TSEN54: variants seen among roughly 807,000 people sequenced by gnomAD.
TSEN54 encodes the protein tRNA splicing endonuclease subunit 54.
A neutral mutation model predicts 61.9 loss-of-function variants in TSEN54; 55 were observed. The observed-to-expected ratio is 0.89, with a 90% CI of 0.72 to 1.11. The LOEUF (loss-of-function observed/expected upper bound fraction) is 1.11. Among genes scored for constraint, TSEN54 ranks in the 50% most tolerant of loss-of-function variants. The pLI is 0.00. For synonymous variants in TSEN54, 304 were observed against 288.7 expected, an observed-to-expected ratio of 1.05 and a Z score of -0.54; for missense variants, 760 against 687.7, an observed-to-expected ratio of 1.11 and a Z score of -1.18.
chr17:75,522,326 C>T lies in TSEN54; in HGVS notation c.1245C>T (p.Ser415=). The change falls in exon 8 of 11, where the codon AGC becomes AGT. Residue 415 remains serine (S), a synonymous_variant. Coordinates refer to ENST00000333213, the MANE Select transcript of TSEN54 (RefSeq NM_207346.3). ...CGCTGCTGAGTCCTGGCCAGGCCAG[C>T]TCCCCAGGTACCCCCTCAGCCTGCC... ...VTPLLSPGQA[S]SPAVVLQHIS... is the part of the protein sequence containing the mutation. 1 of 1,545,230 alleles carries T rather than the reference C, an allele frequency of 6.5e-7. No individual in the cohort carries two copies. The highest frequency in any genetic ancestry group is 8.7e-7 in the Non-Finnish European group (1 of 1,146,824).
intron 8 of TSEN54, chr17:75,522,872 A>G: frequency 1.0e-5 from 3 of 293,480 alleles, no homozygotes; most frequent in Non-Finnish European, 1.9e-5. Context: ...ATATGCTTAT[A>G]CTAAAAAAAA....
rs960186382 is a variant in TSEN54, at chr17:75,524,684, G to A, written c.*272G>A. ...GAGGACTGTGTGCCTTTAACGAGAG[G>A]GTGCCTGCTTCGTGCTATAAAGCCA... On this transcript the variant is annotated 3_prime_UTR_variant, in exon 11 of 11. Coordinates refer to ENST00000333213, the MANE Select transcript of TSEN54 (RefSeq NM_207346.3). 8 of 556,154 alleles carry A rather than the reference G, an allele frequency of 1.4e-5. No homozygotes were observed. The highest frequency in any genetic ancestry group is 6.0e-5 in the Admixed American group (2 of 33,256). The allele number at this position is 556,154 out of a possible 1,614,324, so 34.5% of individuals were successfully genotyped here.
intron 6 of TSEN54, among the ~76,000 whole-genome samples, chr17:75,520,181 G>A (rs2053412664): frequency 6.6e-6 from 1 of 152,198 alleles, no homozygotes; most frequent in Admixed American, 6.5e-5. Context: ...TTTCTGTAAT[G>A]ATGAAAATGT....
chr17:75,523,702 T>A lies in TSEN54; in HGVS notation c.1353T>A (p.Asp451Glu). 6.2e-7 allele frequency: 1 copy of A among 1,614,188 alleles called. No individual in the cohort carries two copies. The highest frequency in any genetic ancestry group is 1.6e-4 in the Middle Eastern group (1 of 6,062). ...EKSGGLEIIF[D>E]VYQADAVATF... ...CTGGGGGCTTGGAAATCATCTTTGA[T>A]GTTTACCAGGCCGACGCTGTGGCCA... The change falls in exon 10 of 11, where the codon GAT becomes GAA. Residue 451 changes from aspartate to glutamate, a missense_variant. Asp to Glu is a conservative substitution (Grantham distance 45, BLOSUM62 2). Transcript: ENST00000333213.
At chr17:75,523,241 C>T (rs766024427) in intron 8 of TSEN54, 34 bp from the exon 9 acceptor site, 2 of 1,613,986 alleles carry the variant, frequency 1.2e-6, no homozygotes, top group Middle Eastern at 1.6e-4. Context: ...ATGTGACTCC[C>T]CTCCCCAGTA....
At chr17:75,520,338 C>A (rs553507418) in intron 6 of TSEN54, among the ~76,000 whole-genome samples, 10 of 149,948 alleles carry the variant, frequency 6.7e-5, no homozygotes, top group Admixed American at 6.0e-4. Context: ...GGGAGGCCGA[C>A]GCGGGCGGAT....
At chr17:75,517,795 A>G (rs2053389993) in intron 5 of TSEN54, 140 bp downstream of exon 5, 3 of 760,848 alleles carry the variant, frequency 3.9e-6, no homozygotes, top group Admixed American at 2.0e-5. Context: ...CGAGGCTTAC[A>G]TTGTGGTGGT....
rs1439782684 is a variant in TSEN54, at chr17:75,521,931, G to A, written c.850G>A (p.Ala284Thr). The A allele has an allele frequency of 3.7e-6, 6 of 1,610,490 alleles. No individual in the cohort carries two copies. Among genetic ancestry groups the A allele is most frequent in the Non-Finnish European group, 5.1e-6 (6 of 1,179,054 alleles). The change falls in exon 8 of 11, where the codon GCC becomes ACC. Residue 284 changes from alanine (A) to threonine (T), a missense_variant. This residue lies in a region of TSEN54 where 667 missense variants were observed against 577.8 expected (regional missense o/e 1.15). Transcript: ENST00000333213. ...GGGGTGCAGCTGGGAGAGTGGCAGA[G>A]CCGAGAACGGAGTCACGGGAGCCGG... ...GVGCSWESGR[A>T]ENGVTGAGKR...
At chr17:75,524,204 C>T in intron 10 of TSEN54, 58 bp from the exon 11 acceptor site, 1 of 1,610,226 alleles carries the variant, frequency 6.2e-7, no homozygotes, top group African/African-American at 1.3e-5. Context: ...TCTCTGGGAG[C>T]CCTAGAGCTT....
chr17:75,521,238 C>T, intron 6 of TSEN54, 171 bp from the exon 7 acceptor site: 1 of 650,692 alleles, frequency 1.5e-6, no homozygotes. Flanking sequence ...TGGCTGGGCC[C>T]CCTGGCTGGG....
In TSEN54 at chr17:75,523,666, G is replaced by T; in HGVS notation, c.1317G>T (p.Leu439=). 1 of 1,614,200 alleles carries T rather than the reference G, an allele frequency of 6.2e-7. No homozygotes were observed. The highest frequency in any genetic ancestry group is 8.5e-7 in the Non-Finnish European group (1 of 1,180,036). The change falls in exon 10 of 11, where the codon CTG becomes CTT. Residue 439 remains leucine (L), a synonymous_variant. Coordinates refer to ENST00000333213, the MANE Select transcript of TSEN54 (RefSeq NM_207346.3). The part of the protein sequence containing the change: ...TTHLPDGGAR[L]LEKSGGLEII... ...ACGTTTCTCATTGTATTGTCAGGCT[G>T]TTGGAGAAGTCTGGGGGCTTGGAAA...
At chr17:75,518,397 CGAG>C (rs1437037386) in intron 5 of TSEN54, 1 of 365,276 alleles carries the variant, frequency 2.7e-6, no homozygotes, top group Non-Finnish European at 3.8e-6. Context: ...AGAAACAGAC[CGAG>C]GAGTGTCTGG....
intron 5 of TSEN54, chr17:75,518,550 C>T (rs2147009014): frequency 1.0e-6 from 1 of 985,372 alleles, no homozygotes; most frequent in East Asian, 1.1e-4. Context: ...GATATGAATG[C>T]AGGGACACAA....
chr17:75,523,133 C>T, intron 8 of TSEN54, 142 bp from the exon 9 acceptor site: 2 of 1,074,170 alleles, frequency 1.9e-6, no homozygotes, highest in Non-Finnish European at 2.9e-6. Flanking sequence ...GAGCCAAGAT[C>T]ACGCCACTAT....
In TSEN54 at chr17:75,522,160, C is replaced by A. The variant is rs368377822; in HGVS notation, c.1079C>A (p.Ala360Glu). ...RREREHHAEA[A>E]QFQEDVNADP... ...GAACGGGAGCACCACGCGGAGGCCG[C>A]GCAGTTCCAGGAAGATGTCAACGCC... The change falls in exon 8 of 11, where the codon GCG becomes GAG. Residue 360 changes from alanine (A) to glutamate (E), a missense_variant. Transcript: ENST00000333213. 6.4e-7 allele frequency: 1 copy of A among 1,554,890 alleles called. No individual in the cohort carries two copies. Among genetic ancestry groups the A allele is most frequent in the South Asian group, 1.2e-5 (1 of 84,706 alleles).
rs1179159490 is a variant in TSEN54, at chr17:75,517,626, G to A, written c.439G>A (p.Asp147Asn). The A allele has an allele frequency of 4.7e-5, 76 of 1,613,796 alleles. No individual in the cohort carries two copies. Among genetic ancestry groups the A allele is most frequent in the Non-Finnish European group, 6.1e-5 (72 of 1,180,014 alleles). The change falls in exon 5 of 11, where the codon GAC becomes AAC. Residue 147 changes from aspartate (D) to asparagine (N), a missense_variant. Asp to Asn is a conservative substitution (Grantham distance 23, BLOSUM62 1). Coordinates refer to ENST00000333213, the MANE Select transcript of TSEN54 (RefSeq NM_207346.3). ...IQEAYQLLLT[D>N]HTVTFLQYQV... ...GGAAGCTTACCAGCTGCTGCTGACCGACCACACTGTGACCTTCCTGCAGTA... is the reference window on the plus strand; with the variant it reads ...GGAAGCTTACCAGCTGCTGCTGACCAACCACACTGTGACCTTCCTGCAGTA...
chr17:75,523,071 C>A, intron 8 of TSEN54: 1 of 625,338 alleles, frequency 1.6e-6, no homozygotes, highest in Non-Finnish European at 2.9e-6. Flanking sequence ...CCCAGCTACT[C>A]AGGAGGCTGA....
rs542013784 is a variant in TSEN54 at position 75,522,267 on chromosome 17, C to T, written c.1186C>T (p.Arg396Trp). ...GCGGCAGGTGCAGAGGAGCCAGCGC[C>T]GGGCCCCTCACCTGTGGGGCCAGCC... ...QRRQVQRSQR[R>W]APHLWGQPVT... Residue 396 changes from arginine (R) to tryptophan (W), a missense_variant, in exon 8 of 11, where the codon CGG (arginine) becomes TGG (tryptophan). Physicochemically the swap from Arg to Trp is moderately radical, Grantham distance 101. This residue lies in a region of TSEN54 where 667 missense variants were observed against 577.8 expected (regional missense o/e 1.15). Transcript: ENST00000333213. 6.5e-6 allele frequency: 10 copies of T among 1,546,820 alleles called. No individual in the cohort carries two copies. The highest frequency in any genetic ancestry group is 3.6e-5 in the South Asian group (3 of 83,956).
In TSEN54 at chr17:75,522,082, C is replaced by T; in HGVS notation, c.1001C>T (p.Ala334Val). Residue 334 changes from alanine to valine, a missense_variant, in exon 8 of 11, where the codon GCT becomes GTT. This residue lies in a region of TSEN54 where 667 missense variants were observed against 577.8 expected (regional missense o/e 1.15). Transcript: ENST00000333213. The part of the protein sequence containing the change: ...PANVAGRETD[A>V]ESWCQKLNQR... ...AACGTGGCTGGGCGGGAGACAGACG[C>T]TGAGTCCTGGTGCCAGAAGCTGAAC... 1.9e-6 allele frequency: 3 copies of T among 1,586,052 alleles called. No individual in the cohort carries two copies. The highest frequency in any genetic ancestry group is 1.7e-6 in the Non-Finnish European group (2 of 1,166,684).
Sources: allele counts gnomAD v4.1 joint callset (sites outside exome capture counted in the v4.1 genomes callset), GRCh38; gene constraint gnomAD v4.1.1; regional missense constraint gnomAD v4.1.1; transcripts MANE v1.5; gene names NCBI Gene and HGNC (gene_info 2026-07-23, HGNC 2026-07-21).